Variants in NFKBIZ observed in about 807,000 individuals in gnomAD.
NFKBIZ encodes NF-kappa-B inhibitor zeta.
A neutral mutation model predicts 76.8 loss-of-function variants in NFKBIZ; 19 were observed. That is an observed-to-expected ratio of 0.25 (90% CI 0.17 to 0.36). NFKBIZ has a LOEUF of 0.36. Among genes scored for constraint, NFKBIZ ranks in the 10% least tolerant of loss-of-function variants. The probability of loss-of-function intolerance (pLI) is 1.00; values close to 1 mark genes in which losing one functional copy is unlikely to be tolerated. For missense variants in NFKBIZ, 829 were observed against 910.9 expected (o/e 0.91, Z 1.16); for synonymous variants, 368 against 354.8 (o/e 1.04, Z -0.42).
rs750656860 is a variant in NFKBIZ, at chr3:101,857,318, T to C, written c.1962T>C (p.His654=). 3 of 1,614,236 alleles carry C rather than the reference T, an allele frequency of 1.9e-6. No individual in the cohort carries two copies. In the South Asian group the frequency reaches 3.3e-5, roughly 18 times the overall value. ...CTTACAATGGCAACACTGCCCTCCA[T>C]GTTGCTGCCAGCTTGCAGTATCGGT... ...AKAYNGNTAL[H]VAASLQYRLT... is the part of the protein sequence containing the mutation. Residue 654 remains histidine, a synonymous_variant, in exon 11 of 12, where the codon CAT becomes CAC. Coordinates refer to ENST00000326172, the MANE Select transcript of NFKBIZ (RefSeq NM_031419.4).
intron 5 of NFKBIZ, 112 bp from the exon 6 acceptor site, chr3:101,854,466 A>G (rs1438430710): frequency 3.1e-6 from 2 of 644,478 alleles, no homozygotes; most frequent in African/African-American, 1.8e-5. Flanking sequence ...GTTTCATTTG[A>G]GTGTACCAAT....
chr3:101,849,721 C>T lies in NFKBIZ; in HGVS notation c.93C>T (p.Asn31=), dbSNP rs1298970973. ...GCGGCCTCATGACCAGCCCGCTCAA[C>T]CTGAGCTACTTCTACGGCGCGTCGC... ...GGCGLMTSPL[N]LSYFYGASPP... The change falls in exon 1 of 12, where the codon AAC becomes AAT. Residue 31 remains asparagine, a synonymous_variant. Coordinates refer to ENST00000326172, the MANE Select transcript of NFKBIZ (RefSeq NM_031419.4). The T allele has an allele frequency of 1.4e-6, 2 of 1,448,780 alleles. No homozygotes were observed. Among genetic ancestry groups the T allele is most frequent in the Admixed American group, 2.6e-5 (1 of 38,632 alleles). The allele number at this position is 1,448,780 out of a possible 1,614,324, so 89.7% of individuals were successfully genotyped here.
intron 5 of NFKBIZ, 103 bp from the exon 6 acceptor site, chr3:101,854,475 A>G (rs547312105): frequency 1.5e-6 from 1 of 680,706 alleles, no homozygotes; most frequent in Non-Finnish European, 2.6e-6. Context: ...GAGTGTACCA[A>G]TATATAAAAA....
At chr3:101,851,498 T>C (rs2107414119) in intron 1 of NFKBIZ, among the ~76,000 whole-genome samples, 1 of 152,370 alleles carries the variant, frequency 6.6e-6, no homozygotes, top group South Asian at 2.1e-4. Context: ...GACATAAATC[T>C]AAGACGTTGT....
chr3:101,842,729 G>T (rs1048362502), intron 2 of NFKBIZ, among the ~76,000 whole-genome samples: 1 of 151,596 alleles, frequency 6.6e-6, no homozygotes, highest in Admixed American at 6.6e-5. Flanking sequence ...ATTCTTAGAA[G>T]AATTCCTGGC....
At chr3:101,847,257 A>G (rs1441120011), upstream of NFKBIZ, among the ~76,000 whole-genome samples, 2 of 152,262 alleles carry the variant, frequency 1.3e-5, no homozygotes, top group African/African-American at 4.8e-5. Flanking sequence ...CACACTCAAC[A>G]TCTTATTTGG....
chr3:101,830,360 G>A (rs1942631933), intron 2 of NFKBIZ, among the ~76,000 whole-genome samples: 1 of 152,034 alleles, frequency 6.6e-6, no homozygotes, highest in Non-Finnish European at 1.5e-5. Context: ...TAGATTCAGG[G>A]GGTGCATGTA....
chr3:101,857,500 G>A, intron 11 of NFKBIZ, 41 bp downstream of exon 11: 1 of 1,610,584 alleles, frequency 6.2e-7, no homozygotes, highest in Non-Finnish European at 8.5e-7. Context: ...TTTTGGCACT[G>A]CAGTCTGAAA....
chr3:101,858,901 A>C (rs1031514393), intron 11 of NFKBIZ, among the ~76,000 whole-genome samples: 4 of 152,240 alleles, frequency 2.6e-5, no homozygotes, highest in Non-Finnish European at 4.4e-5. Context: ...GTATCATAAA[A>C]TGTGGGTTTT....
At chr3:101,842,660 ATTC>A (rs1355330257) in intron 2 of NFKBIZ, among the ~76,000 whole-genome samples, 3 of 149,056 alleles carry the variant, frequency 2.0e-5, no homozygotes, top group Admixed American at 6.7e-5. Context: ...GCCCAAGACA[ATTC>A]TTCTTCCAGT....
chr3:101,856,607 T>C (rs1055458019), intron 9 of NFKBIZ: 1 of 152,730 alleles, frequency 6.5e-6, no homozygotes, highest in Non-Finnish European at 1.5e-5. Flanking sequence ...GTTTATTCTT[T>C]TAAAATTTTG....
rs1943029385 is a variant in NFKBIZ at position 101,855,122 on chromosome 3, A to G, written c.1504A>G (p.Ile502Val). Reference sequence around the variant, plus strand: ...TCTCATTGTGCAGGATCTGGTGAACATCGGGGCACAGGTGAACACCACAGA... The same window carrying G: ...TCTCATTGTGCAGGATCTGGTGAACGTCGGGGCACAGGTGAACACCACAGA... ...QHLIVQDLVN[I>V]GAQVNTTDCW... Residue 502 changes from isoleucine (I) to valine (V), a missense_variant, in exon 7 of 12, where the codon ATC becomes GTC. This residue lies in a region of NFKBIZ where 272 missense variants were observed against 384.2 expected (regional missense o/e 0.71). Coordinates refer to ENST00000326172, the MANE Select transcript of NFKBIZ (RefSeq NM_031419.4). 6.2e-7 allele frequency: 1 copy of G among 1,614,052 alleles called. No homozygotes were observed. The highest frequency in any genetic ancestry group is 8.5e-7 in the Non-Finnish European group (1 of 1,179,990).
upstream of NFKBIZ, chr3:101,849,423 G>T (rs1942908659): frequency 5.3e-6 from 2 of 378,490 alleles, no homozygotes; most frequent in Non-Finnish European, 9.2e-6. Flanking sequence ...CTGGGAGGCG[G>T]CCCGGGCACC....
chr3:101,849,443 C>A, upstream of NFKBIZ: 1 of 418,104 alleles, frequency 2.4e-6, no homozygotes, highest in Non-Finnish European at 4.0e-6. Flanking sequence ...CGCCAATGGC[C>A]GGGCCGGGCG....
At position 101,854,699 on chromosome 3, in the gene NFKBIZ, G is replaced by C; in HGVS notation, c.1443+16G>C. 1 of 1,583,856 alleles carries C rather than the reference G, an allele frequency of 6.3e-7. No individual in the cohort carries two copies. Among genetic ancestry groups the C allele is most frequent in the South Asian group, 1.1e-5 (1 of 90,030 alleles). On this transcript the variant is annotated intron_variant, in intron 6 of 11. Coordinates refer to ENST00000326172, the MANE Select transcript of NFKBIZ (RefSeq NM_031419.4). Reference sequence around the variant, plus strand: ...CAATGGACAGGTGAGGACCTTGACAGAGTCTGAAATGGCAAAGAGGGGGTC... The same window carrying C: ...CAATGGACAGGTGAGGACCTTGACACAGTCTGAAATGGCAAAGAGGGGGTC...
In NFKBIZ at chr3:101,855,894, G is replaced by A; in HGVS notation, c.1816G>A (p.Glu606Lys). Reference protein sequence around the residue: ...KCLIQMGAAVEAKDRKSGRTA... With the variant: ...KCLIQMGAAVKAKDRKSGRTA... ...CCTAATTCAAATGGGAGCAGCGGTGGAAGCGAAGGTAAATTCACAGAAAAG... is the reference window on the plus strand; with the variant it reads ...CCTAATTCAAATGGGAGCAGCGGTGAAAGCGAAGGTAAATTCACAGAAAAG... Residue 606 changes from glutamate (E) to lysine (K), a missense_variant, in exon 9 of 12, where the codon GAA becomes AAA. By Grantham distance (56) the Glu-to-Lys change is moderately conservative. Transcript: ENST00000326172. The A allele has an allele frequency of 6.2e-7, 1 of 1,604,770 alleles. No homozygotes were observed. Among genetic ancestry groups the A allele is most frequent in the Non-Finnish European group, 8.5e-7 (1 of 1,175,548 alleles).
intron 2 of NFKBIZ, among the ~76,000 whole-genome samples, chr3:101,831,299 A>C (rs938989974): frequency 6.6e-6 from 1 of 152,260 alleles, no homozygotes; most frequent in East Asian, 1.9e-4. Flanking sequence ...ATAGATATAC[A>C]GTATATCTGT....
exon 1 of NFKBIZ, chr3:101,828,139 G>A (rs1168324038): frequency 2.0e-5 from 3 of 152,116 alleles, no homozygotes; most frequent in Non-Finnish European, 4.4e-5. Context: ...GGAAACAATT[G>A]ATTTGCTCTT....
chr3:101,852,784 A>G lies in NFKBIZ; in HGVS notation c.460+16A>G. 6.2e-7 allele frequency: 1 copy of G among 1,610,418 alleles called. No individual in the cohort carries two copies. The highest frequency in any genetic ancestry group is 8.5e-7 in the Non-Finnish European group (1 of 1,178,524). ...CAGTTCAGAGGTAAGAGTTACTTGT[A>G]TTTGTAATTTTTTCAGGGCTTTGGA... On this transcript the variant is annotated intron_variant, in intron 3 of 11. Transcript: ENST00000326172.
Sources: gnomAD v4.1 joint callset for allele counts (sites outside exome capture counted in the v4.1 genomes callset) on GRCh38, gnomAD v4.1.1 for gene constraint, gnomAD v4.1.1 regional missense constraint, MANE v1.5 for transcripts, NCBI Gene and HGNC (gene_info 2026-07-23, HGNC 2026-07-21) for gene names.